Variants in AQP11 observed in about 807,000 individuals in gnomAD.
The protein encoded by AQP11 is aquaporin 11.
Under a neutral mutation model 21.1 loss-of-function variants are expected in AQP11, and 20 were observed. The ratio of observed to expected loss-of-function variants is 0.95; its 90% confidence interval spans 0.67 to 1.38. The LOEUF (loss-of-function observed/expected upper bound fraction) is 1.38. Ranked by LOEUF, AQP11 falls within the 40% of genes most tolerant of loss-of-function variation. The pLI is 0.00. For synonymous variants in AQP11, 167 were observed against 150.1 expected (o/e 1.11, Z -0.82); for missense variants, 339 against 340.4 (o/e 1.00, Z 0.03).
chr11:77,596,468 ATGTAAATATATATGTGTAAATATATG>A (rs1565117380), intron 1 of AQP11, among the ~76,000 whole-genome samples: 15 of 141,432 alleles, frequency 1.1e-4, no homozygotes, highest in Non-Finnish European at 7.6e-5. Context: ...ATATATATAT[ATGTAAATATATATGTGTAAATATATG>A]TGTAAATATA....
intron 1 of AQP11, among the ~76,000 whole-genome samples, chr11:77,594,660 G>A (rs1958767942): frequency 6.6e-6 from 1 of 152,152 alleles, no homozygotes; most frequent in Non-Finnish European, 1.5e-5. Flanking sequence ...TTAATCACTT[G>A]CATTTTGAGG....
chr11:77,599,976 TTGAGAC>T (rs1413973978), intron 1 of AQP11, among the ~76,000 whole-genome samples: 1 of 152,118 alleles, frequency 6.6e-6, no homozygotes, highest in Non-Finnish European at 1.5e-5. Flanking sequence ...TTTATTTATT[TTGAGAC>T]TGAGACTTGC....
chr11:77,597,780 G>A (rs781200902), intron 1 of AQP11, among the ~76,000 whole-genome samples: 1 of 151,840 alleles, frequency 6.6e-6, no homozygotes, highest in East Asian at 1.9e-4. Flanking sequence ...TTGAGATGGC[G>A]TCTCGCTCTG....
chr11:77,599,983 T>G (rs1301761108), intron 1 of AQP11, among the ~76,000 whole-genome samples: 1 of 151,760 alleles, frequency 6.6e-6, no homozygotes, highest in Non-Finnish European at 1.5e-5. Context: ...ATTTTGAGAC[T>G]GAGACTTGCT....
At chr11:77,594,292 T>C (rs1958766197) in intron 1 of AQP11, among the ~76,000 whole-genome samples, 1 of 152,210 alleles carries the variant, frequency 6.6e-6, no homozygotes, top group Admixed American at 6.5e-5. Flanking sequence ...TGGCAGACAC[T>C]GGATTAAACA....
At position 77,590,601 on chromosome 11, in the gene AQP11, G is replaced by T. The variant is rs752164439; in HGVS notation, c.609G>T (p.Leu203Phe). The T allele has an allele frequency of 1.2e-6, 2 of 1,613,166 alleles. No homozygotes were observed. Among genetic ancestry groups the T allele is most frequent in the Non-Finnish European group, 1.7e-6 (2 of 1,179,602 alleles). The change falls in exon 1 of 3, where the codon TTG (leucine) becomes TTT (phenylalanine). Residue 203 changes from leucine to phenylalanine, a missense_variant. Leu to Phe is a conservative substitution (Grantham distance 22, BLOSUM62 0). Coordinates refer to ENST00000313578, the MANE Select transcript of AQP11 (RefSeq NM_173039.3). ...IHLLAALITFLVYAGGSLTGA... is the reference protein window; with the variant it reads ...IHLLAALITFFVYAGGSLTGA... ...TGCTGGCTGCACTCATCACCTTTTT[G>T]GTCTATGCAGGTTTGTCATTCTCAC...
intron 1 of AQP11, chr11:77,590,838 T>C (rs1250323740): frequency 3.3e-5 from 33 of 985,330 alleles, no homozygotes; most frequent in Non-Finnish European, 4.0e-5. Context: ...ACCTCTGTGC[T>C]GAAACTGAGA....
At chr11:77,606,818 C>T (rs1251310851) in intron 2 of AQP11, among the ~76,000 whole-genome samples, 2 of 152,292 alleles carry the variant, frequency 1.3e-5, no homozygotes, top group Non-Finnish European at 2.9e-5. Flanking sequence ...TGGTCTCGAA[C>T]TCCTGGGCTC....
intron 1 of AQP11, chr11:77,591,027 G>A (rs963487750): frequency 9.1e-6 from 9 of 985,394 alleles, no homozygotes; most frequent in Non-Finnish European, 1.1e-5. Context: ...TAAAGCACAA[G>A]GCACATGATT....
chr11:77,603,142 A>T (rs1958825011), intron 1 of AQP11, among the ~76,000 whole-genome samples: 1 of 152,250 alleles, frequency 6.6e-6, no homozygotes, highest in South Asian at 2.1e-4. Context: ...CCTTTTCAAT[A>T]CAAAGTTATG....
intron 1 of AQP11, among the ~76,000 whole-genome samples, chr11:77,597,717 G>A (rs1958791419): frequency 6.6e-6 from 1 of 152,086 alleles, no homozygotes. Context: ...TGAATTTGGG[G>A]AAAACAAGCA....
At chr11:77,599,097 T>G (rs1249662998) in intron 1 of AQP11, among the ~76,000 whole-genome samples, 2 of 151,948 alleles carry the variant, frequency 1.3e-5, no homozygotes, top group Admixed American at 1.3e-4. Flanking sequence ...GTCAGGCTGG[T>G]CTTGAACTCC....
intron 1 of AQP11, chr11:77,590,975 T>C: frequency 1.0e-6 from 1 of 985,420 alleles, no homozygotes; most frequent in African/African-American, 1.7e-5. Context: ...TCGGATACTC[T>C]TACTGAAAAA....
intron 1 of AQP11, among the ~76,000 whole-genome samples, chr11:77,596,924 C>A (rs1410164316): frequency 6.6e-6 from 1 of 151,664 alleles, no homozygotes; most frequent in Non-Finnish European, 1.5e-5. Flanking sequence ...CTTTCCTCAT[C>A]TCTAAAATGA....
At chr11:77,598,513 T>C (rs1231664241) in intron 1 of AQP11, among the ~76,000 whole-genome samples, 1 of 152,252 alleles carries the variant, frequency 6.6e-6, no homozygotes, top group Non-Finnish European at 1.5e-5. Context: ...CTGATGATTC[T>C]TTAAAAAATA....
intron 1 of AQP11, 99 bp downstream of exon 1, chr11:77,590,710 A>G (rs879112578): frequency 9.3e-6 from 14 of 1,509,160 alleles, no homozygotes; most frequent in South Asian, 1.3e-5. Flanking sequence ...CTATCCCGCT[A>G]TGATGTAAAT....
At chr11:77,602,360 A>G (rs1017446985) in intron 1 of AQP11, among the ~76,000 whole-genome samples, 1 of 152,194 alleles carries the variant, frequency 6.6e-6, no homozygotes, top group African/African-American at 2.4e-5. Flanking sequence ...CTTTCTGCCC[A>G]TGGTATCTAG....
intron 1 of AQP11, among the ~76,000 whole-genome samples, chr11:77,598,853 T>G (rs1301369227): frequency 6.6e-6 from 1 of 152,164 alleles, no homozygotes; most frequent in Admixed American, 6.5e-5. Context: ...TAGCTGGGAT[T>G]AAAGGTGTCT....
At chr11:77,607,351 C>T (rs2135752318) in intron 2 of AQP11, among the ~76,000 whole-genome samples, 1 of 151,566 alleles carries the variant, frequency 6.6e-6, no homozygotes, top group East Asian at 1.9e-4. Flanking sequence ...AAACAAAAAC[C>T]CCAAAACAAA....
Sources: gnomAD v4.1 joint callset for allele counts (sites outside exome capture counted in the v4.1 genomes callset) on GRCh38, gnomAD v4.1.1 for gene constraint, MANE v1.5 for transcripts, NCBI Gene and HGNC (gene_info 2026-07-23, HGNC 2026-07-21) for gene names.